NRG3: variants seen among roughly 807,000 people sequenced by gnomAD.
NRG3 encodes neuregulin 3, also known as pro-neuregulin-3, membrane-bound isoform.
Under a neutral mutation model 66.9 loss-of-function variants are expected in NRG3, and 31 were observed. The ratio of observed to expected loss-of-function variants is 0.46; its 90% CI spans 0.35 to 0.63. The LOEUF (loss-of-function observed/expected upper bound fraction) is 0.63. Among genes scored for constraint, NRG3 ranks in the 20% least tolerant of loss-of-function variants. The pLI is 0.00. For synonymous variants in NRG3, 393 were observed against 359.4 expected (o/e 1.09, Z -1.06); for missense variants, 910 against 878.9 (o/e 1.04, Z -0.45).
intron 1 of NRG3, among the ~76,000 whole-genome samples, chr10:82,323,542 A>G (rs1296467035): frequency 2.1e-5 from 3 of 144,416 alleles, no homozygotes; most frequent in Non-Finnish European, 4.5e-5. Context: ...GATTTTTTGC[A>G]TCTATGTTTA....
At chr10:81,963,063 C>T (rs1420406427) in intron 1 of NRG3, among the ~76,000 whole-genome samples, 2 of 147,440 alleles carry the variant, frequency 1.4e-5, no homozygotes, top group Non-Finnish European at 3.0e-5. Flanking sequence ...ACAATGCAAA[C>T]AAATGTGTGG....
intron 2 of NRG3, among the ~76,000 whole-genome samples, chr10:82,646,560 C>T (rs745728336): frequency 1.2e-4 from 18 of 152,022 alleles, no homozygotes; most frequent in Non-Finnish European, 2.2e-4. Flanking sequence ...ATTACGATGT[C>T]GAAGACAAAC....
intron 2 of NRG3, among the ~76,000 whole-genome samples, chr10:82,735,307 A>G (rs571185762): frequency 6.6e-6 from 1 of 152,302 alleles, no homozygotes; most frequent in East Asian, 1.9e-4. Context: ...CAACTGGGGA[A>G]CATTGAGATT....
In NRG3 at chr10:82,290,454, C is replaced by G. The variant is rs1205411679; in HGVS notation, c.824-68285C>G. Reference sequence around the variant, plus strand: ...TGCGAATTAACACTGAAACAATGAACTAACGTGATTTTCTTGAAGACAACA... The same window carrying G: ...TGCGAATTAACACTGAAACAATGAAGTAACGTGATTTTCTTGAAGACAACA... On this transcript the variant is annotated intron_variant, in intron 1 of 8. Transcript: ENST00000372141. Among the ~76,000 whole-genome samples, 7 of 152,240 alleles carry G rather than the reference C, an allele frequency of 4.6e-5. No homozygotes were observed. In the East Asian group the frequency reaches 1.4e-3, roughly 29 times the overall value.
intron 1 of NRG3, among the ~76,000 whole-genome samples, chr10:82,078,831 A>G (rs1164240438): frequency 2.0e-5 from 3 of 152,204 alleles, no homozygotes; most frequent in Non-Finnish European, 4.4e-5. Context: ...TAAGTTGCAC[A>G]GAACATCCCA....
intron 1 of NRG3, among the ~76,000 whole-genome samples, chr10:82,052,200 A>G (rs1275698496): frequency 6.6e-6 from 1 of 152,106 alleles, no homozygotes; most frequent in African/African-American, 2.4e-5. Context: ...AAAGAAATGC[A>G]TGTAGTTGTG....
intron 4 of NRG3, among the ~76,000 whole-genome samples, chr10:82,904,668 T>A (rs1844556269): frequency 6.6e-6 from 1 of 152,152 alleles, no homozygotes; most frequent in Non-Finnish European, 1.5e-5. Flanking sequence ...GATATGCCTA[T>A]ATCAAAGAAC....
chr10:82,200,920 G>A (rs1035370927), intron 1 of NRG3, among the ~76,000 whole-genome samples: 1 of 152,006 alleles, frequency 6.6e-6, no homozygotes, highest in African/African-American at 2.4e-5. Context: ...CAGCTGGGCC[G>A]GGCACGTTGG....
intron 3 of NRG3, among the ~76,000 whole-genome samples, chr10:82,761,968 CTTTCTTTT>C (rs1231671395): frequency 2.9e-5 from 3 of 101,898 alleles, no homozygotes; most frequent in African/African-American, 1.1e-4. Context: ...TTCTTTCTTT[CTTTCTTTT>C]CTTTCTTTCT....
intron 3 of NRG3, among the ~76,000 whole-genome samples, chr10:82,796,414 G>C (rs888144200): frequency 4.6e-5 from 7 of 152,146 alleles, no homozygotes; most frequent in Non-Finnish European, 1.0e-4. Flanking sequence ...GGACTCTGCA[G>C]CGAAGTCTGA....
intron 1 of NRG3, among the ~76,000 whole-genome samples, chr10:81,949,197 T>C (rs1333034371): frequency 2.0e-5 from 3 of 152,000 alleles, no homozygotes; most frequent in African/African-American, 4.8e-5. Flanking sequence ...GGCTCAAAGC[T>C]CTCAGGCTGA....
intron 2 of NRG3, among the ~76,000 whole-genome samples, chr10:82,453,714 C>G (rs2091135992): frequency 6.6e-6 from 1 of 150,654 alleles, no homozygotes; most frequent in African/African-American, 2.4e-5. Context: ...TTGAACTTAT[C>G]TGTACATTAA....
intron 2 of NRG3, among the ~76,000 whole-genome samples, chr10:82,568,607 A>G (rs2133090570): frequency 6.6e-6 from 1 of 151,870 alleles, no homozygotes; most frequent in Non-Finnish European, 1.5e-5. Flanking sequence ...AGTACTCAGA[A>G]GAGGTGAGTT....
chr10:82,172,293 C>T (rs897527066), intron 1 of NRG3, among the ~76,000 whole-genome samples: 11 of 152,140 alleles, frequency 7.2e-5, no homozygotes, highest in Admixed American at 6.6e-4. Flanking sequence ...AGTGGCCAAC[C>T]GTGTTGTCTA....
At chr10:82,388,248 GT>G (rs373336055) in intron 2 of NRG3, among the ~76,000 whole-genome samples, 2 of 152,180 alleles carry the variant, frequency 1.3e-5, no homozygotes, top group East Asian at 1.9e-4. Flanking sequence ...GAATAAGAAA[GT>G]TTTTTTATGA....
At chr10:82,823,361 T>G (rs2135589545) in intron 3 of NRG3, among the ~76,000 whole-genome samples, 1 of 152,272 alleles carries the variant, frequency 6.6e-6, no homozygotes, top group East Asian at 1.9e-4. Flanking sequence ...AGGGATAGGC[T>G]TTGGGAACCA....
chr10:81,903,640 C>T lies in NRG3; in HGVS notation c.823+27477C>T, dbSNP rs773054235. 3.9e-5 allele frequency among the ~76,000 whole-genome samples: 6 copies of T among 152,160 alleles called. No homozygotes were observed. The South Asian group carries it at 6.2e-4, about 16-fold the overall frequency. On this transcript the variant is annotated intron_variant, in intron 1 of 8. Transcript: ENST00000372141. Reference sequence around the variant, plus strand: ...CAGCATTGCATGGTTTCGAACACTCCAGTGAACCCATCTGGAGAGTTTCAG... The same window carrying T: ...CAGCATTGCATGGTTTCGAACACTCTAGTGAACCCATCTGGAGAGTTTCAG...
rs1375707340 is a variant in NRG3 at position 82,986,948 on chromosome 10, C to T, written c.*1343C>T. On this transcript the variant is annotated 3_prime_UTR_variant, in exon 9 of 9. Coordinates refer to ENST00000372141, the MANE Select transcript of NRG3 (RefSeq NM_001010848.4). ...GACTATTCAGTTCACAAGAAGCCCC[C>T]CAAAAGAACAGTAAATTGTGTTGTA... The T allele has an allele frequency of 3.3e-5, 5 of 152,142 alleles. No individual in the cohort carries two copies. The highest frequency in any genetic ancestry group is 1.9e-4 in the East Asian group (1 of 5,164). The allele number at this position is 152,142 out of a possible 1,614,324, so 9.4% of individuals were successfully genotyped here. A position where few individuals can be genotyped will look rare whatever the true frequency, so the allele number is the denominator to read the frequency against.
intron 1 of NRG3, among the ~76,000 whole-genome samples, chr10:82,052,192 A>G: frequency 6.6e-6 from 1 of 151,928 alleles, no homozygotes; most frequent in Admixed American, 6.6e-5. Flanking sequence ...AGTGAAAAAA[A>G]GAAATGCATG....
Sources: allele counts gnomAD v4.1 joint callset (sites outside exome capture counted in the v4.1 genomes callset), GRCh38; gene constraint gnomAD v4.1.1; transcripts MANE v1.5; gene names NCBI Gene and HGNC (gene_info 2026-07-23, HGNC 2026-07-21).